Variants in PELI3 observed in about 807,000 individuals in gnomAD.
PELI3 encodes pellino E3 ubiquitin protein ligase family member 3.
A neutral mutation model predicts 35.5 loss-of-function variants in PELI3; 19 were observed. That is an observed-to-expected ratio of 0.54 (90% CI 0.37 to 0.79). PELI3 has a LOEUF of 0.79. PELI3 is among the 30% of genes least tolerant of loss of function. The pLI, the probability that PELI3 is intolerant of heterozygous loss-of-function variation, is 0.00. For missense variants in PELI3, 490 were observed against 661.2 expected (o/e 0.74, Z 2.84); for synonymous variants, 262 against 279.2 (o/e 0.94, Z 0.62).
At position 66,475,783 on chromosome 11, in the gene PELI3, C is replaced by T. The variant is rs147025276; in HGVS notation, c.1026C>T (p.Pro342=). 9 of 1,609,494 alleles carry T rather than the reference C, an allele frequency of 5.6e-6. No individual in the cohort carries two copies. Among genetic ancestry groups the T allele is most frequent in the Middle Eastern group, 1.7e-4 (1 of 5,874 alleles). ...TGGGCCTCAGCACTCTGGCCTTCCC[C>T]AGCCCAGCCCGTGGCCGCACAGCGC... The part of the protein sequence containing the change: ...CPVGLSTLAF[P]SPARGRTAPD... Residue 342 remains proline, a synonymous_variant, in exon 8 of 8, where the codon CCC becomes CCT. Transcript: ENST00000320740.
rs1854753790 is a variant in PELI3 at position 66,472,381 on chromosome 11, C to T, written c.367C>T (p.Arg123Cys). ...TPLVSKALSNRGQHSISYTLS... is the reference protein window; with the variant it reads ...TPLVSKALSNCGQHSISYTLS... The stretch of plus-strand genomic sequence containing the variant: ...TTCTCCCCACCAGGCACTGAGTAAC[C>T]GTGGTCAGCACAGCATCTCGTATAC... The change falls in exon 5 of 8, where the codon CGT becomes TGT. Residue 123 changes from arginine to cysteine, a missense_variant. By Grantham distance (180) the Arg-to-Cys change is radical. This residue lies in a region of PELI3 where 137 missense variants were observed against 157.1 expected (regional missense o/e 0.87). Coordinates refer to ENST00000320740, the MANE Select transcript of PELI3 (RefSeq NM_145065.3). 3.7e-6 allele frequency: 6 copies of T among 1,614,018 alleles called. No individual in the cohort carries two copies. Among genetic ancestry groups the T allele is most frequent in the East Asian group, 4.5e-5 (2 of 44,884 alleles).
rs1202875620 is a variant in PELI3 at position 66,477,294 on chromosome 11, CTGA to C, written c.*1135_*1137del. On this transcript the variant is annotated 3_prime_UTR_variant, in exon 8 of 8. Transcript: ENST00000320740. ...TGCCCACCATGTGCCCCGCACTGTG[CTGA>C]TGATGATAATAATAACTACGTCCAT... The C allele has an allele frequency of 3.3e-5, 5 of 152,130 alleles. No individual in the cohort carries two copies. Among genetic ancestry groups the C allele is most frequent in the East Asian group, 1.9e-4 (1 of 5,186 alleles). 9.4% of individuals were successfully genotyped at this position (152,130 alleles called of 1,614,324 possible).
rs754222315 is a variant in PELI3 at position 66,468,859 on chromosome 11, C to T, written c.179C>T (p.Thr60Ile). 3 of 779,730 alleles carry T rather than the reference C, an allele frequency of 3.8e-6. No individual in the cohort carries two copies. Among genetic ancestry groups the T allele is most frequent in the South Asian group, 1.3e-5 (1 of 74,438 alleles). The allele number at this position is 779,730 out of a possible 1,614,324, so 48.3% of individuals were successfully genotyped here. The part of the protein sequence containing the change: ...LGCCEEGGEE[T>I]EAQRGEVTGP... ...TGCTGTGAGGAAGGAGGTGAGGAAA[C>T]CGAGGCTCAGAGAGGGGAAGTGACT... The change falls in exon 3 of 8, where the codon ACC (threonine) becomes ATC (isoleucine). Residue 60 changes from threonine to isoleucine, a missense_variant. Thr to Ile is a moderately conservative substitution (Grantham distance 89, BLOSUM62 -1). Transcript: ENST00000320740.
At chr11:66,471,668 G>A (rs1287163885) in intron 4 of PELI3, among the ~76,000 whole-genome samples, 1 of 152,012 alleles carries the variant, frequency 6.6e-6, no homozygotes, top group African/African-American at 2.4e-5. Flanking sequence ...GGGTGGAAAT[G>A]AGCTGCACCA....
Position 66,476,174 on chromosome 11 carries a change from T to C in PELI3, c.*7T>C, listed in dbSNP as rs1171170901. On this transcript the variant is annotated 3_prime_UTR_variant, in exon 8 of 8. Coordinates refer to ENST00000320740, the MANE Select transcript of PELI3 (RefSeq NM_145065.3). ...CCAGGGCCCGCTGGATTAGGCTCCC[T>C]GGGGCCCCCTGCTGCTGTGCCCACC... The C allele has an allele frequency of 6.5e-7, 1 of 1,535,844 alleles. No homozygotes were observed. Among genetic ancestry groups the C allele is most frequent in the Non-Finnish European group, 8.7e-7 (1 of 1,146,364 alleles).
At chr11:66,475,154 C>T (rs974420221) in intron 7 of PELI3, 7 of 189,812 alleles carry the variant, frequency 3.7e-5, no homozygotes, top group Non-Finnish European at 6.4e-5. Context: ...AGTTAGTCAA[C>T]GGTGAGGCCA....
chr11:66,468,042 A>T (rs1159563029), intron 1 of PELI3, 86 bp from the exon 2 acceptor site: 1 of 1,472,380 alleles, frequency 6.8e-7, no homozygotes, highest in Non-Finnish European at 9.1e-7. Flanking sequence ...GCCTTAGCCT[A>T]GGCGGCCCTG....
upstream of PELI3, chr11:66,466,641 AGTCCT>A (rs1854534542): frequency 6.7e-6 from 1 of 150,250 alleles, no homozygotes; most frequent in Non-Finnish European, 1.5e-5. Context: ...ACTACGGGGG[AGTCCT>A]GAGCCGGCTA....
chr11:66,466,510 G>A (rs1854528573), upstream of PELI3: 2 of 152,324 alleles, frequency 1.3e-5, no homozygotes, highest in Non-Finnish European at 2.9e-5. Flanking sequence ...GGGGCCTCCA[G>A]CGCCGTGTGA....
At position 66,473,261 on chromosome 11, in the gene PELI3, C is replaced by A. The variant is rs1430530872; in HGVS notation, c.477C>A (p.Asn159Lys). The change falls in exon 6 of 8, where the codon AAC becomes AAA. Residue 159 changes from asparagine (N) to lysine (K), a missense_variant. Physicochemically the swap from Asn to Lys is moderately conservative, Grantham distance 94 (BLOSUM62 0). This residue lies in a region of PELI3 where 349 missense variants were observed against 484.8 expected (regional missense o/e 0.72). Transcript: ENST00000320740. The surrounding 1 kb of genome is among the most constrained non-coding windows in gnomAD (Gnocchi z 5.8). Reference sequence around the variant, plus strand: ...CACAGATTGGCCGCTCCACAGAGAACATGATTGACTTCGTGGTAACAGACA... The same window carrying A: ...CACAGATTGGCCGCTCCACAGAGAAAATGATTGACTTCGTGGTAACAGACA... ...DMFQIGRSTE[N>K]MIDFVVTDTS... 6.2e-7 allele frequency: 1 copy of A among 1,612,520 alleles called. No homozygotes were observed. The highest frequency in any genetic ancestry group is 8.5e-7 in the Non-Finnish European group (1 of 1,179,342).
Position 66,467,203 on chromosome 11 carries a change from C to T in PELI3, c.-2+176C>T, listed in dbSNP as rs1038665623. ...CGGGTGCGGGTGGTCTCTGCGCCGT[C>T]CGGGCCCGGGGCGTGCGGGGCCGTG... On this transcript the variant is annotated intron_variant, in intron 1 of 7. Transcript: ENST00000320740. The surrounding 1 kb of genome is among the most constrained non-coding windows in gnomAD (Gnocchi z 4.2). Among the ~76,000 whole-genome samples the T allele has an allele frequency of 6.7e-6, 1 of 150,066 alleles. No homozygotes were observed. Among genetic ancestry groups the T allele is most frequent in the African/African-American group, 2.4e-5 (1 of 41,082 alleles).
At chr11:66,472,937 C>T (rs1198921924) in intron 5 of PELI3, among the ~76,000 whole-genome samples, 3 of 152,240 alleles carry the variant, frequency 2.0e-5, no homozygotes, top group South Asian at 4.1e-4. Flanking sequence ...CTGCTGCTAA[C>T]ATTTGAGCAC....
At chr11:66,468,091 G>GA in intron 1 of PELI3, 37 bp from the exon 2 acceptor site, 1 of 1,551,446 alleles carries the variant, frequency 6.4e-7, no homozygotes, top group Non-Finnish European at 8.7e-7. Context: ...GCTGGGGTGG[G>GA]AACCTACAAA....
Position 66,467,173 on chromosome 11 carries a change from G to C in PELI3, c.-2+146G>C, listed in dbSNP as rs1473958142. The C allele has an allele frequency of 2.0e-5, 3 of 149,766 alleles. No individual in the cohort carries two copies. Among genetic ancestry groups the C allele is most frequent in the Non-Finnish European group, 4.5e-5 (3 of 67,178 alleles). The allele number at this position is 149,766 out of a possible 1,614,324, so 9.3% of individuals were successfully genotyped here. Reference sequence around the variant, plus strand: ...CTGCTGCGCGCCCGCGCGTCCCTGCGGTCGCGGGTGCGGGTGGTCTCTGCG... The same window carrying C: ...CTGCTGCGCGCCCGCGCGTCCCTGCCGTCGCGGGTGCGGGTGGTCTCTGCG... On this transcript the variant is annotated intron_variant, in intron 1 of 7. Coordinates refer to ENST00000320740, the MANE Select transcript of PELI3 (RefSeq NM_145065.3). This position sits in a 1 kb window ranked among gnomAD's most constrained non-coding sequence, Gnocchi z 4.2.
chr11:66,475,861 C>T lies in PELI3; in HGVS notation c.1104C>T (p.Tyr368=), dbSNP rs762895508. ...TCCGCTGCGGGCACGTCCATGGCTA[C>T]CACGGCTGGGGCTGCCGGCGGGAGC... is the stretch of plus-strand genomic sequence containing the variant. The part of the protein sequence containing the change: ...VYVRCGHVHG[Y]HGWGCRRERG... Residue 368 remains tyrosine, a synonymous_variant, in exon 8 of 8, where the codon TAC becomes TAT. Transcript: ENST00000320740. 3.7e-6 allele frequency: 6 copies of T among 1,606,862 alleles called. No homozygotes were observed. In the African/African-American group the frequency reaches 8.0e-5, roughly 21 times the overall value.
At position 66,473,900 on chromosome 11, in the gene PELI3, G is replaced by A. The variant is rs1206120382; in HGVS notation, c.815G>A (p.Arg272His). 2 of 1,613,468 alleles carry A rather than the reference G, an allele frequency of 1.2e-6. No individual in the cohort carries two copies. Among genetic ancestry groups the A allele is most frequent in the South Asian group, 1.1e-5 (1 of 91,080 alleles). The change falls in exon 7 of 8, where the codon CGC (arginine) becomes CAC (histidine). Residue 272 changes from arginine (R) to histidine (H), a missense_variant. Physicochemically the swap from Arg to His is conservative, Grantham distance 29. Coordinates refer to ENST00000320740, the MANE Select transcript of PELI3 (RefSeq NM_145065.3). This position sits in a 1 kb window ranked among gnomAD's most constrained non-coding sequence, Gnocchi z 5.8. The part of the protein sequence containing the change: ...CGNVYTLRDS[R>H]SAQQRGKLVE... ...AATGTGTACACATTGCGGGACAGCCGCTCAGCCCAGCAGCGGGGCAAGCTG... is the reference window on the plus strand; with the variant it reads ...AATGTGTACACATTGCGGGACAGCCACTCAGCCCAGCAGCGGGGCAAGCTG...
At chr11:66,474,319 T>A (rs1854827923) in intron 7 of PELI3, 4 of 559,908 alleles carry the variant, frequency 7.1e-6, no homozygotes, top group Non-Finnish European at 1.3e-5. Flanking sequence ...AGCATGTCTA[T>A]CACGTTCAGA....
rs542177836 is a variant in PELI3 at position 66,469,789 on chromosome 11, CTGTTTTTTTTTTT to C, written c.224+900_224+912del. 4.1e-4 allele frequency among the ~76,000 whole-genome samples: 46 copies of C among 110,946 alleles called. No individual in the cohort carries two copies. The East Asian group carries it at 0.011, about 26-fold the overall frequency. 72.8% of individuals were successfully genotyped at this position (110,946 alleles called of 152,430 possible). On this transcript the variant is annotated intron_variant, in intron 3 of 7. Coordinates refer to ENST00000320740, the MANE Select transcript of PELI3 (RefSeq NM_145065.3). ...GTCGCAGTGGGTGGGACCAGGGAATCTGTTTTTTTTTTTTGTTTTTTTTTTTTTGAGACAGAGT... is the reference window on the plus strand; with the variant it reads ...GTCGCAGTGGGTGGGACCAGGGAATCTGTTTTTTTTTTTTTGAGACAGAGT...
intron 7 of PELI3, chr11:66,475,242 A>G (rs538020170): frequency 6.9e-5 from 23 of 334,536 alleles, no homozygotes; most frequent in African/African-American, 4.6e-4. Context: ...TGGGCTAAGT[A>G]CCCAGCATTC....
Sources: gnomAD v4.1 joint callset for allele counts (sites outside exome capture counted in the v4.1 genomes callset) on GRCh38, gnomAD v4.1.1 for gene constraint, gnomAD v4.1.1 regional missense constraint, Gnocchi (gnomAD v3.1) non-coding constraint, MANE v1.5 for transcripts, NCBI Gene and HGNC (gene_info 2026-07-23, HGNC 2026-07-21) for gene names.